The following ERC2 variants were observed in gnomAD, a reference collection of about 807,000 sequenced individuals.
ERC2 encodes the protein ELKS/RAB6-interacting/CAST family member 2.
A neutral mutation model predicts 114.8 loss-of-function variants in ERC2; 42 were observed. That is an observed-to-expected ratio of 0.37 (90% CI 0.29 to 0.47). The LOEUF (loss-of-function observed/expected upper bound fraction) is 0.47. ERC2 is among the 20% of genes least tolerant of loss of function. The pLI, the probability that ERC2 is intolerant of heterozygous loss-of-function variation, is 0.99. For missense variants in ERC2, 939 were observed against 1,150.7 expected, an observed-to-expected ratio of 0.82 and a Z score of 2.66; for synonymous variants, 454 against 425.5, an observed-to-expected ratio of 1.07 and a Z score of -0.82.
At chr3:55,949,022 C>T (rs547550908) in intron 13 of ERC2, among the ~76,000 whole-genome samples, 45 of 152,236 alleles carry the variant, frequency 3.0e-4, no homozygotes, top group African/African-American at 7.0e-4. Context: ...CCTTGTTTTA[C>T]GGAATAATAC....
chr3:56,443,618 A>C (rs1576995300), intron 1 of ERC2, among the ~76,000 whole-genome samples: 1 of 147,960 alleles, frequency 6.8e-6, no homozygotes. Flanking sequence ...GCTGTGTTTC[A>C]TTTCCCGATA....
At chr3:56,097,245 C>T (rs1489786613) in intron 6 of ERC2, among the ~76,000 whole-genome samples, 1 of 152,108 alleles carries the variant, frequency 6.6e-6, no homozygotes, top group African/African-American at 2.4e-5. Context: ...AAGAACTGAG[C>T]TCCATGAGTA....
chr3:55,712,382 AG>A (rs1312663311), intron 15 of ERC2, among the ~76,000 whole-genome samples: 1 of 152,152 alleles, frequency 6.6e-6, no homozygotes, highest in South Asian at 2.1e-4. Context: ...AGAAGAGAAA[AG>A]GGGGGAAAGT....
At chr3:55,544,652 T>A (rs1254311600) in intron 17 of ERC2, among the ~76,000 whole-genome samples, 1 of 152,230 alleles carries the variant, frequency 6.6e-6, no homozygotes, top group Non-Finnish European at 1.5e-5. Context: ...CTTGGATTCC[T>A]TGAAGAATTC....
At chr3:56,352,014 A>G (rs1295261134) in intron 2 of ERC2, among the ~76,000 whole-genome samples, 1 of 152,160 alleles carries the variant, frequency 6.6e-6, no homozygotes, top group Non-Finnish European at 1.5e-5. Context: ...ATAACCAAGG[A>G]AAGAAGTGGA....
chr3:55,568,894 T>G (rs2056536174), intron 17 of ERC2, among the ~76,000 whole-genome samples: 1 of 152,144 alleles, frequency 6.6e-6, no homozygotes, highest in African/African-American at 2.4e-5. Flanking sequence ...CTATCCTCGC[T>G]CCACTCATGT....
intron 3 of ERC2, among the ~76,000 whole-genome samples, chr3:56,285,803 T>C (rs1256508667): frequency 1.3e-5 from 2 of 152,224 alleles, no homozygotes; most frequent in Non-Finnish European, 2.9e-5. Context: ...AGCAGCCACA[T>C]TTTTTAAAGC....
chr3:55,902,344 G>T (rs1403884054), intron 13 of ERC2, among the ~76,000 whole-genome samples: 1 of 151,988 alleles, frequency 6.6e-6, no homozygotes, highest in Admixed American at 6.6e-5. Context: ...CGTCCCTAGG[G>T]CACAGCATCC....
intron 16 of ERC2, among the ~76,000 whole-genome samples, chr3:55,687,399 C>T (rs903326796): frequency 6.6e-6 from 1 of 150,946 alleles, no homozygotes; most frequent in Non-Finnish European, 1.5e-5. Context: ...TTTAAAACAC[C>T]TGAAATTCTC....
At position 56,180,229 on chromosome 3, in the gene ERC2, G is replaced by A. The variant is rs779184457; in HGVS notation, c.1075-6709C>T. Among the ~76,000 whole-genome samples, 6 of 152,164 alleles carry A rather than the reference G, an allele frequency of 3.9e-5. 1 individual carries two copies. In the South Asian group the frequency reaches 1.2e-3, roughly 32 times the overall value. On this transcript the variant is annotated intron_variant, in intron 3 of 17. Coordinates refer to ENST00000288221, the MANE Select transcript of ERC2 (RefSeq NM_015576.3). ...TGACCTCATCTAGAGCAGTTTGGGG[G>A]ATGGCAGGAGTGAAAGTCTAACTAG...
At chr3:56,268,786 C>A (rs955850285) in intron 3 of ERC2, among the ~76,000 whole-genome samples, 8 of 152,172 alleles carry the variant, frequency 5.3e-5, no homozygotes, top group Non-Finnish European at 1.0e-4. Context: ...AGTTTACTCC[C>A]CCAATCTAAC....
chr3:55,544,972 T>C (rs2054641715), intron 17 of ERC2, among the ~76,000 whole-genome samples: 1 of 152,226 alleles, frequency 6.6e-6, no homozygotes, highest in African/African-American at 2.4e-5. Context: ...TCTGTGGTTA[T>C]CATTGTGACG....
intron 7 of ERC2, among the ~76,000 whole-genome samples, chr3:56,071,695 GATAATAAA>G (rs2076746765): frequency 6.6e-6 from 1 of 152,118 alleles, no homozygotes; most frequent in Non-Finnish European, 1.5e-5. Context: ...TGGTTCCTTT[GATAATAAA>G]ATACCATTTC....
chr3:55,538,965 G>T (rs1364548823), intron 17 of ERC2, among the ~76,000 whole-genome samples: 6 of 152,184 alleles, frequency 3.9e-5, no homozygotes, highest in African/African-American at 1.4e-4. Context: ...ATTGTGGATT[G>T]GGTGGGCGTA....
At chr3:56,279,154 T>C (rs1257361696) in intron 3 of ERC2, among the ~76,000 whole-genome samples, 1 of 152,134 alleles carries the variant, frequency 6.6e-6, no homozygotes. Context: ...AAAAATCTGA[T>C]CCTTCACAAA....
intron 14 of ERC2, among the ~76,000 whole-genome samples, chr3:55,832,967 G>A (rs892727165): frequency 1.5e-4 from 23 of 151,892 alleles, no homozygotes; most frequent in Admixed American, 1.3e-4. Flanking sequence ...GAATGTAAAG[G>A]CCTCAGGAGC....
chr3:55,575,937 T>C (rs1371041148), intron 17 of ERC2, among the ~76,000 whole-genome samples: 1 of 152,176 alleles, frequency 6.6e-6, no homozygotes, highest in Non-Finnish European at 1.5e-5. Context: ...AGGAGTAAAC[T>C]GAAACTCAGA....
At chr3:55,519,085 A>G (rs968141182) in intron 17 of ERC2, among the ~76,000 whole-genome samples, 1 of 152,014 alleles carries the variant, frequency 6.6e-6, no homozygotes, top group East Asian at 1.9e-4. Context: ...ATCCTGGAGA[A>G]CCCCACTTGG....
intron 14 of ERC2, among the ~76,000 whole-genome samples, chr3:55,808,539 G>A (rs2059576392): frequency 6.6e-6 from 1 of 151,768 alleles, no homozygotes; most frequent in Non-Finnish European, 1.5e-5. Flanking sequence ...GGCACTGGGA[G>A]AGGAGGGAGG....
Sources: gnomAD v4.1 joint callset for allele counts (sites outside exome capture counted in the v4.1 genomes callset) on GRCh38, gnomAD v4.1.1 for gene constraint, MANE v1.5 for transcripts, NCBI Gene and HGNC (gene_info 2026-07-23, HGNC 2026-07-21) for gene names.